The following C12orf54 variants were observed in gnomAD, a reference collection of about 807,000 sequenced individuals.
C12orf54 encodes uncharacterized protein C12orf54.
C12orf54 carries 24 observed loss-of-function variants against 26.4 expected under a neutral mutation model. The observed-to-expected ratio is 0.91, with a 90% CI of 0.66 to 1.28. The LOEUF is 1.28. C12orf54 is among the 50% of genes most tolerant of loss of function. The probability of loss-of-function intolerance (pLI) is 0.00; values close to 1 mark genes in which losing one functional copy is unlikely to be tolerated. For missense variants in C12orf54, 154 were observed against 150.9 expected (o/e 1.02, Z -0.11); for synonymous variants, 54 against 47.0 (o/e 1.15, Z -0.61).
chr12:48,477,674 A>C (rs1232463665), upstream of C12orf54, among the ~76,000 whole-genome samples: 1 of 152,194 alleles, frequency 6.6e-6, no homozygotes, highest in Non-Finnish European at 1.5e-5. Context: ...CTCGACACAT[A>C]CATCCTCCCA....
the C12orf54 span, chr12:48,472,768 A>G: frequency 6.2e-7 from 1 of 1,614,188 alleles, no homozygotes; most frequent in South Asian, 1.1e-5. Flanking sequence ...GGCAAATTGG[A>G]AGGCCTCACA....
At chr12:48,440,233 A>T in the C12orf54 span, among the ~76,000 whole-genome samples, 1 of 152,214 alleles carries the variant, frequency 6.6e-6, no homozygotes, top group Non-Finnish European at 1.5e-5. Context: ...TCAAAAAAAA[A>T]AAAGAAAGTA....
the C12orf54 span, among the ~76,000 whole-genome samples, chr12:48,476,092 C>A: frequency 6.6e-6 from 1 of 152,132 alleles, no homozygotes; most frequent in Non-Finnish European, 1.5e-5. Context: ...GGCCAATATT[C>A]AACATTCTTA....
At chr12:48,448,053 G>GA in the C12orf54 span, among the ~76,000 whole-genome samples, 6 of 151,304 alleles carry the variant, frequency 4.0e-5, no homozygotes, top group Non-Finnish European at 8.9e-5. Flanking sequence ...TCCCGCAACT[G>GA]AAAAAAATCA....
chr12:48,420,167 C>T, the C12orf54 span, among the ~76,000 whole-genome samples: 6 of 151,948 alleles, frequency 3.9e-5, no homozygotes, highest in African/African-American at 1.5e-4. Flanking sequence ...TCCAGCCATT[C>T]AGAAAAGCAG....
chr12:48,437,462 A>T, the C12orf54 span, among the ~76,000 whole-genome samples: 1 of 152,238 alleles, frequency 6.6e-6, no homozygotes, highest in Admixed American at 6.5e-5. Flanking sequence ...AGAAAATTTT[A>T]GACCAATATC....
the C12orf54 span, among the ~76,000 whole-genome samples, chr12:48,414,677 C>A: frequency 6.6e-6 from 1 of 152,132 alleles, no homozygotes; most frequent in East Asian, 1.9e-4. Flanking sequence ...AATCTGGGCC[C>A]TAAGTTGCTG....
At chr12:48,465,443 G>T in the C12orf54 span, among the ~76,000 whole-genome samples, 1 of 152,116 alleles carries the variant, frequency 6.6e-6, no homozygotes, top group Admixed American at 6.6e-5. Context: ...GGAGAAAAAG[G>T]AATGCTTATT....
the C12orf54 span, among the ~76,000 whole-genome samples, chr12:48,450,672 A>G: frequency 2.6e-5 from 4 of 152,328 alleles, no homozygotes; most frequent in East Asian, 7.7e-4. Flanking sequence ...AGAAATACAA[A>G]CAACTATCAG....
At chr12:48,456,510 T>C in the C12orf54 span, among the ~76,000 whole-genome samples, 2 of 152,032 alleles carry the variant, frequency 1.3e-5, no homozygotes, top group Non-Finnish European at 2.9e-5. Context: ...CAGGTAGCAT[T>C]TGAGATTAAG....
At chr12:48,477,739 A>T (rs577626702), upstream of C12orf54, among the ~76,000 whole-genome samples, 41 of 152,362 alleles carry the variant, frequency 2.7e-4, no homozygotes, top group African/African-American at 9.6e-4. Context: ...AGGAGCTGAA[A>T]TTGAGGCAAT....
intron 6 of C12orf54, 29 bp downstream of exon 6, chr12:48,490,865 A>G: frequency 6.2e-7 from 1 of 1,610,202 alleles, no homozygotes; most frequent in Middle Eastern, 1.7e-4. Context: ...AAGGTTTGGA[A>G]AAGGAAACAA....
At chr12:48,427,659 C>G in the C12orf54 span, among the ~76,000 whole-genome samples, 7 of 152,032 alleles carry the variant, frequency 4.6e-5, no homozygotes, top group Admixed American at 1.3e-4. Context: ...AACACGGGAG[C>G]TCCCAAATTT....
At chr12:48,490,975 C>T in intron 6 of C12orf54, 139 bp downstream of exon 6, 1 of 998,962 alleles carries the variant, frequency 1.0e-6, no homozygotes, top group Non-Finnish European at 1.5e-6. Flanking sequence ...AAGTCTCACC[C>T]TAGGATCTTC....
the C12orf54 span, among the ~76,000 whole-genome samples, chr12:48,420,205 AGCTGAGCCTGCAAGCCCAGGAG>A: frequency 6.6e-6 from 1 of 152,332 alleles, no homozygotes; most frequent in East Asian, 1.9e-4. Context: ...GTGGGTGGGC[AGCTGAGCCTGCAAGCCCAGGAG>A]GCAGCTGAGT....
the C12orf54 span, chr12:48,442,310 A>G: frequency 6.3e-6 from 1 of 158,330 alleles, no homozygotes; most frequent in African/African-American, 2.4e-5. Context: ...ATAAGACAAG[A>G]ATATCATGAG....
chr12:48,488,694 T>A (rs1937715114), intron 4 of C12orf54, among the ~76,000 whole-genome samples: 1 of 152,234 alleles, frequency 6.6e-6, no homozygotes, highest in African/African-American at 2.4e-5. Context: ...TTAAATACTT[T>A]ACTGTATTTT....
At chr12:48,430,465 A>T in the C12orf54 span, among the ~76,000 whole-genome samples, 1 of 152,140 alleles carries the variant, frequency 6.6e-6, no homozygotes, top group Non-Finnish European at 1.5e-5. Flanking sequence ...AAAAAAACAA[A>T]CAATCCCATC....
the C12orf54 span, among the ~76,000 whole-genome samples, chr12:48,444,680 C>T: frequency 6.6e-6 from 1 of 152,142 alleles, no homozygotes; most frequent in East Asian, 1.9e-4. Context: ...TTCATCTATT[C>T]AAACTCTGAA....
Sources: gnomAD v4.1 joint callset for allele counts (sites outside exome capture counted in the v4.1 genomes callset) on GRCh38, gnomAD v4.1.1 for gene constraint, MANE v1.5 for transcripts, NCBI Gene and HGNC (gene_info 2026-07-23, HGNC 2026-07-21) for gene names.